The following SGCD variants were observed in gnomAD, a reference collection of about 807,000 sequenced individuals.
SGCD encodes the protein sarcoglycan delta.
In SGCD, 18 loss-of-function variants were observed where a neutral mutation model predicts 36.6. That is an observed-to-expected ratio of 0.49 (90% CI 0.34 to 0.73). The LOEUF is 0.73. Ranked by LOEUF, SGCD falls within the 30% of genes least tolerant of loss-of-function variation. The pLI is 0.01. For synonymous variants in SGCD, 133 were observed against 130.6 expected (o/e 1.02, Z -0.12); for missense variants, 387 against 346.7 (o/e 1.12, Z -0.92).
At chr5:156,329,723 TA>T in intron 2 of SGCD, 144 bp downstream of exon 2, 1 of 811,048 alleles carries the variant, frequency 1.2e-6, no homozygotes, top group Non-Finnish European at 1.9e-6. Flanking sequence ...TTTTTTATTT[TA>T]AAAAATCTGC....
chr5:156,412,787 C>CTTTTTTT (rs35464853), intron 3 of SGCD, among the ~76,000 whole-genome samples: 1 of 105,032 alleles, frequency 9.5e-6, no homozygotes, highest in Non-Finnish European at 1.9e-5. Context: ...AGGGTTGGTT[C>CTTTTTTT]TTTTTTTTTT....
At chr5:156,209,923 C>A (rs991781346) in intron 3 of SGCD, among the ~76,000 whole-genome samples, 1 of 152,158 alleles carries the variant, frequency 6.6e-6, no homozygotes, top group East Asian at 1.9e-4. Context: ...TTGGGCAGTG[C>A]ACAATGGGCT....
intron 3 of SGCD, among the ~76,000 whole-genome samples, chr5:156,175,909 T>C (rs889602346): frequency 3.9e-5 from 6 of 152,092 alleles, no homozygotes; most frequent in Non-Finnish European, 8.8e-5. Context: ...GACACATTCT[T>C]ACCTAAATAA....
intron 6 of SGCD, among the ~76,000 whole-genome samples, chr5:156,644,962 G>A (rs975529415): frequency 5.3e-5 from 8 of 149,742 alleles, no homozygotes; most frequent in Non-Finnish European, 8.9e-5. Flanking sequence ...CTCCCTACCT[G>A]TGCTAGGAGG....
At chr5:156,199,967 T>A (rs1490826399) in intron 3 of SGCD, among the ~76,000 whole-genome samples, 1 of 152,144 alleles carries the variant, frequency 6.6e-6, no homozygotes, top group Non-Finnish European at 1.5e-5. Context: ...TTACTTTTAA[T>A]GTTCTAGGAA....
intron 4 of SGCD, among the ~76,000 whole-genome samples, chr5:156,564,960 C>T (rs1314143433): frequency 1.3e-5 from 2 of 152,236 alleles, no homozygotes; most frequent in East Asian, 3.9e-4. Flanking sequence ...TTTTAGAAGT[C>T]ACATCATCTT....
chr5:156,220,577 A>G (rs1764693081), intron 3 of SGCD, among the ~76,000 whole-genome samples: 2 of 152,306 alleles, frequency 1.3e-5, no homozygotes, highest in Admixed American at 6.5e-5. Flanking sequence ...AAAATCTCTC[A>G]TGGCCTCAGT....
chr5:156,562,961 A>G (rs1381663652), intron 4 of SGCD, among the ~76,000 whole-genome samples: 1 of 152,024 alleles, frequency 6.6e-6, no homozygotes, highest in Non-Finnish European at 1.5e-5. Context: ...ACAAGTATAT[A>G]GTGATGATAG....
At chr5:156,070,740 G>A (rs1489038886) in intron 1 of SGCD, among the ~76,000 whole-genome samples, 6 of 151,916 alleles carry the variant, frequency 3.9e-5, no homozygotes, top group Admixed American at 1.3e-4. Flanking sequence ...GGTAGAATTC[G>A]GCTGTGAATC....
intron 1 of SGCD, among the ~76,000 whole-genome samples, chr5:156,004,599 A>G (rs1758722838): frequency 6.6e-6 from 1 of 152,214 alleles, no homozygotes. Flanking sequence ...TTTAAAGCCC[A>G]AGTACTTTCA....
At chr5:155,781,932 A>G in the SGCD span, among the ~76,000 whole-genome samples, 2 of 152,066 alleles carry the variant, frequency 1.3e-5, no homozygotes, top group Admixed American at 1.3e-4. Context: ...GTCTTGAAAC[A>G]GGGGTCTTAT....
In SGCD at chr5:156,671,312, A is replaced by G. The variant is rs1397326204; in HGVS notation, c.575+23776A>G. 2.9e-5 allele frequency among the ~76,000 whole-genome samples: 4 copies of G among 138,664 alleles called. No individual in the cohort carries two copies. In the Admixed American group the frequency reaches 3.1e-4, roughly 11 times the overall value. The allele number at this position is 138,664 out of a possible 152,430, so 91.0% of individuals were successfully genotyped here. On this transcript the variant is annotated intron_variant, in intron 7 of 8. Coordinates refer to ENST00000337851, the MANE Select transcript of SGCD (RefSeq NM_000337.6). Reference sequence around the variant, plus strand: ...TTTTGAGACAGAGTCTCGCTCTGTCACCCAGGCTGGAGTGCAGTGGCTCAA... The same window carrying G: ...TTTTGAGACAGAGTCTCGCTCTGTCGCCCAGGCTGGAGTGCAGTGGCTCAA...
chr5:156,129,277 A>G (rs1373929300), intron 3 of SGCD, among the ~76,000 whole-genome samples: 1 of 152,180 alleles, frequency 6.6e-6, no homozygotes, highest in Non-Finnish European at 1.5e-5. Flanking sequence ...AACTCATTTG[A>G]TCCTTGAAAC....
intron 3 of SGCD, chr5:156,458,554 C>A (rs11952317): frequency 2.5e-6 from 3 of 1,222,608 alleles, no homozygotes; most frequent in Non-Finnish European, 3.6e-6. Flanking sequence ...TCCCTCAAAC[C>A]GCATATGTCA....
the SGCD span, among the ~76,000 whole-genome samples, chr5:155,812,851 T>C: frequency 6.6e-6 from 1 of 152,188 alleles, no homozygotes; most frequent in South Asian, 2.1e-4. Context: ...CCATGAAGTA[T>C]CATTACCATA....
chr5:156,232,992 G>C (rs1416988446), intron 3 of SGCD, among the ~76,000 whole-genome samples: 1 of 152,178 alleles, frequency 6.6e-6, no homozygotes, highest in Non-Finnish European at 1.5e-5. Flanking sequence ...TGAAAAGCTA[G>C]TGGCAGACTG....
At chr5:156,499,483 T>G (rs1206476726) in intron 3 of SGCD, among the ~76,000 whole-genome samples, 1 of 152,114 alleles carries the variant, frequency 6.6e-6, no homozygotes, top group East Asian at 1.9e-4. Flanking sequence ...GTATGTGATA[T>G]AAGATATGAG....
At chr5:156,386,419 A>G (rs897031665) in intron 3 of SGCD, among the ~76,000 whole-genome samples, 2 of 152,262 alleles carry the variant, frequency 1.3e-5, no homozygotes, top group African/African-American at 2.4e-5. Flanking sequence ...TGCAAATACA[A>G]TACATGTGGC....
chr5:156,371,953 A>G (rs17637007), intron 3 of SGCD, among the ~76,000 whole-genome samples: 2,294 of 152,306 alleles, frequency 0.015, 39 homozygotes, highest in Non-Finnish European at 0.019. Context: ...GCTATTGTAC[A>G]TTGACCGATA....
Sources: allele counts gnomAD v4.1 joint callset (sites outside exome capture counted in the v4.1 genomes callset), GRCh38; gene constraint gnomAD v4.1.1; transcripts MANE v1.5; gene names NCBI Gene and HGNC (gene_info 2026-07-23, HGNC 2026-07-21).